Variants in PTCHD4 observed in about 807,000 individuals in gnomAD.
PTCHD4 encodes the protein patched domain containing 4, also known as patched domain-containing protein 4.
A neutral mutation model predicts 58.1 loss-of-function variants in PTCHD4; 33 were observed. That is an observed-to-expected ratio of 0.57 (90% confidence interval 0.43 to 0.76). The LOEUF (loss-of-function observed/expected upper bound fraction) is 0.76, where lower values mean the gene tolerates loss of function less well. PTCHD4 is among the 30% of genes least tolerant of loss of function. The pLI is 0.00. For missense variants in PTCHD4, 1,058 were observed against 1,027.1 expected, an observed-to-expected ratio of 1.03 and a Z score of -0.41; for synonymous variants, 478 against 409.6, an observed-to-expected ratio of 1.17 and a Z score of -2.02.
chr6:47,939,280 A>C (rs1766121000), intron 4 of PTCHD4, among the ~76,000 whole-genome samples: 7 of 151,332 alleles, frequency 4.6e-5, no homozygotes, highest in Admixed American at 4.6e-4. Context: ...TACTACCAGA[A>C]ATTTTAATTC....
chr6:48,075,027 T>C (rs1417628743), intron 1 of PTCHD4, among the ~76,000 whole-genome samples: 1 of 152,152 alleles, frequency 6.6e-6, no homozygotes, highest in African/African-American at 2.4e-5. Flanking sequence ...ATTATTCACC[T>C]GGAAAATCTT....
At chr6:47,957,239 T>C (rs1766899209) in intron 4 of PTCHD4, among the ~76,000 whole-genome samples, 4 of 147,778 alleles carry the variant, frequency 2.7e-5, no homozygotes, top group African/African-American at 9.8e-5. Context: ...AAGAGTATGA[T>C]GGTTAAGGTT....
rs768966986 is a variant in PTCHD4 at position 47,879,664 on chromosome 6, C to T, written c.1171G>A (p.Gly391Ser). 8.1e-6 allele frequency: 13 copies of T among 1,613,298 alleles called. No individual in the cohort carries two copies. The highest frequency in any genetic ancestry group is 3.3e-5 in the South Asian group (3 of 91,050). The change falls in exon 5 of 5, where the codon GGC (glycine) becomes AGC (serine). Residue 391 changes from glycine (G) to serine (S), a missense_variant. Physicochemically the swap from Gly to Ser is moderately conservative, Grantham distance 56 (BLOSUM62 0). Coordinates refer to ENST00000339488, the MANE Select transcript of PTCHD4 (RefSeq NM_001384253.1). ...SFFGSCLVFA[G>S]QLEQNRYHSI... ...TGGTAGCGGTTTTGCTCTAGTTGGCCAGCAAAGACCAGACAGGAGCCAAAG... is the reference window on the plus strand; with the variant it reads ...TGGTAGCGGTTTTGCTCTAGTTGGCTAGCAAAGACCAGACAGGAGCCAAAG...
intron 3 of PTCHD4, among the ~76,000 whole-genome samples, chr6:48,035,342 T>C (rs1298282476): frequency 6.6e-6 from 1 of 152,128 alleles, no homozygotes; most frequent in Non-Finnish European, 1.5e-5. Context: ...TATTTCACTC[T>C]GTTGCAGTGG....
intron 4 of PTCHD4, among the ~76,000 whole-genome samples, chr6:48,001,950 G>C (rs1293263428): frequency 6.6e-6 from 1 of 152,186 alleles, no homozygotes; most frequent in African/African-American, 2.4e-5. Flanking sequence ...GTGGGTGAAG[G>C]ATATGAACAG....
intron 3 of PTCHD4, among the ~76,000 whole-genome samples, chr6:48,021,365 G>A (rs1456620540): frequency 6.6e-6 from 1 of 151,990 alleles, no homozygotes; most frequent in Non-Finnish European, 1.5e-5. Context: ...TGGCTAAATG[G>A]TGTTTTCTTT....
At chr6:48,070,967 G>A (rs1341865469) in intron 1 of PTCHD4, among the ~76,000 whole-genome samples, 1 of 152,158 alleles carries the variant, frequency 6.6e-6, no homozygotes, top group Non-Finnish European at 1.5e-5. Context: ...AAAATATGCA[G>A]TAATAGATTT....
At chr6:48,102,748 C>A (rs1451524450) in intron 1 of PTCHD4, among the ~76,000 whole-genome samples, 2 of 152,214 alleles carry the variant, frequency 1.3e-5, no homozygotes, top group African/African-American at 4.8e-5. Flanking sequence ...TCGGGTCACT[C>A]CCACCCTAAT....
At position 48,068,070 on chromosome 6, in the gene PTCHD4, T is replaced by C. The variant is rs1001121482; in HGVS notation, c.417+160A>G. Among the ~76,000 whole-genome samples, 2 of 152,158 alleles carry C rather than the reference T, an allele frequency of 1.3e-5. No homozygotes were observed. Among genetic ancestry groups the C allele is most frequent in the Non-Finnish European group, 2.9e-5 (2 of 68,036 alleles). ...AAGGAGCATACCTTTAATTTAGTGT[T>C]GGGATACCTCACTTGCACCCTGGCT... is the stretch of plus-strand genomic sequence containing the variant. On this transcript the variant is annotated intron_variant, in intron 3 of 4. Coordinates refer to ENST00000339488, the MANE Select transcript of PTCHD4 (RefSeq NM_001384253.1). This position sits in a 1 kb window ranked among gnomAD's most constrained non-coding sequence, Gnocchi z 4.2.
At chr6:48,104,233 T>A (rs891316886) in intron 1 of PTCHD4, among the ~76,000 whole-genome samples, 11 of 152,204 alleles carry the variant, frequency 7.2e-5, no homozygotes, top group African/African-American at 2.7e-4. Flanking sequence ...GGGAAGCCCA[T>A]CAGACTAACA....
intron 4 of PTCHD4, among the ~76,000 whole-genome samples, chr6:47,957,735 G>A (rs192795388): frequency 6.6e-6 from 1 of 151,406 alleles, no homozygotes; most frequent in African/African-American, 2.4e-5. Context: ...AGAGTAGCTG[G>A]GACTATAGGT....
chr6:47,895,065 A>AT (rs1764492524), intron 4 of PTCHD4, among the ~76,000 whole-genome samples: 1 of 152,026 alleles, frequency 6.6e-6, no homozygotes, highest in African/African-American at 2.4e-5. Context: ...AACCCATGAG[A>AT]TGGAGGTTGC....
chr6:47,975,352 A>T (rs1388766651), intron 4 of PTCHD4, among the ~76,000 whole-genome samples: 1 of 152,092 alleles, frequency 6.6e-6, no homozygotes, highest in Non-Finnish European at 1.5e-5. Flanking sequence ...GTATCCCTTT[A>T]TTGTTTCTCG....
chr6:48,005,256 G>A (rs1472653358), intron 4 of PTCHD4, among the ~76,000 whole-genome samples: 2 of 152,194 alleles, frequency 1.3e-5, no homozygotes, highest in Admixed American at 6.6e-5. Context: ...GGAACAAACA[G>A]TATCAGCGAC....
In PTCHD4 at chr6:48,019,602, G is replaced by T. The variant is rs1015477287; in HGVS notation, c.418-10488C>A. 6.6e-5 allele frequency among the ~76,000 whole-genome samples: 10 copies of T among 151,174 alleles called. No individual in the cohort carries two copies. The South Asian group carries it at 2.1e-3, about 31-fold the overall frequency. The stretch of plus-strand genomic sequence containing the variant: ...ATACAAAAAATTAGCTGGGCGTGGT[G>T]GGGGGCTCCTGTAATTCCAGCTACT... On this transcript the variant is annotated intron_variant, in intron 3 of 4. Coordinates refer to ENST00000339488, the MANE Select transcript of PTCHD4 (RefSeq NM_001384253.1).
At chr6:48,029,178 C>A (rs996459361) in intron 3 of PTCHD4, among the ~76,000 whole-genome samples, 6 of 152,064 alleles carry the variant, frequency 3.9e-5, no homozygotes, top group Non-Finnish European at 8.8e-5. Flanking sequence ...AAATTCTCAT[C>A]AGATTCTTAA....
chr6:48,040,372 C>G (rs1763800426), intron 3 of PTCHD4, among the ~76,000 whole-genome samples: 1 of 151,980 alleles, frequency 6.6e-6, no homozygotes, highest in Non-Finnish European at 1.5e-5. Flanking sequence ...AGTGGAGCTA[C>G]AGGAAGCATA....
At chr6:48,054,087 A>G (rs1360342942) in intron 3 of PTCHD4, among the ~76,000 whole-genome samples, 1 of 152,174 alleles carries the variant, frequency 6.6e-6, no homozygotes, top group Non-Finnish European at 1.5e-5. Context: ...AGGATCTTGA[A>G]AAACACCAAT....
chr6:47,879,987 C>T lies in PTCHD4; in HGVS notation c.899-51G>A, dbSNP rs1363801804. ...TAATTATTTTTATTTCCTCCTATGG[C>T]TCAAGTGAATTCCTTATAGTTTATC... On this transcript the variant is annotated intron_variant, in intron 4 of 4. Coordinates refer to ENST00000339488, the MANE Select transcript of PTCHD4 (RefSeq NM_001384253.1). 5.3e-6 allele frequency: 7 copies of T among 1,324,260 alleles called. No homozygotes were observed. The East Asian group carries it at 1.5e-4, about 29-fold the overall frequency. 82.0% of individuals were successfully genotyped at this position (1,324,260 alleles called of 1,614,324 possible).
Sources: gnomAD v4.1 joint callset for allele counts (sites outside exome capture counted in the v4.1 genomes callset) on GRCh38, gnomAD v4.1.1 for gene constraint, Gnocchi (gnomAD v3.1) non-coding constraint, MANE v1.5 for transcripts, NCBI Gene and HGNC (gene_info 2026-07-23, HGNC 2026-07-21) for gene names.